Variants in APC2 observed in about 807,000 individuals in gnomAD.
The protein encoded by APC2 is APC regulator of Wnt signaling pathway 2, also known as adenomatous polyposis coli protein 2.
In APC2, 41 loss-of-function variants were observed where a neutral mutation model predicts 72.5. That is an observed-to-expected ratio of 0.57 (90% CI 0.44 to 0.73). The LOEUF is 0.73. APC2 is among the 30% of genes least tolerant of loss of function. The probability of loss-of-function intolerance (pLI) is 0.00; values close to 1 mark genes in which losing one functional copy is unlikely to be tolerated. For missense variants in APC2, 3,729 were observed against 3,403.4 expected (o/e 1.10, Z -2.38); for synonymous variants, 1,898 against 1,612.0 (o/e 1.18, Z -4.25).
In APC2 at chr19:1,457,041, A is replaced by C. The variant is rs2083841910; in HGVS notation, c.1005A>C (p.Pro335=). 4 of 1,528,226 alleles carry C rather than the reference A, an allele frequency of 2.6e-6. No homozygotes were observed. Among genetic ancestry groups the C allele is most frequent in the South Asian group, 1.2e-5 (1 of 82,510 alleles). The allele number at this position is 1,528,226 out of a possible 1,614,324, so 94.7% of individuals were successfully genotyped here. A position where few individuals can be genotyped will look rare whatever the true frequency, so the allele number is the denominator to read the frequency against. ...CGGCCGGGGGTCGCGCCGGGGCCCC[A>C]GGGGCACCGGGCGCCAAGGACGCAC... ...EAAAGGRAGA[P]GAPGAKDARM... The change falls in exon 9 of 15, where the codon CCA becomes CCC. Residue 335 remains proline, a synonymous_variant. Transcript: ENST00000590469.
chr19:1,453,022 C>T lies in APC2; in HGVS notation c.21C>T (p.Pro7=). 1.2e-6 allele frequency: 2 copies of T among 1,611,304 alleles called. No individual in the cohort carries two copies. The highest frequency in any genetic ancestry group is 1.7e-6 in the Non-Finnish European group (2 of 1,179,952). Residue 7 remains proline, a synonymous_variant, in exon 2 of 15, where the codon CCC becomes CCT. Transcript: ENST00000590469. MASSVA[P]YEQLVRQVEA... is the part of the protein sequence containing the mutation. Reference sequence around the variant, plus strand: ...TGAAGATGGCGAGCTCCGTGGCGCCCTACGAGCAGCTGGTGAGGCAGGTGG... The same window carrying T: ...TGAAGATGGCGAGCTCCGTGGCGCCTTACGAGCAGCTGGTGAGGCAGGTGG...
chr19:1,461,819 T>C, intron 13 of APC2, 144 bp from the exon 14 acceptor site: 4 of 691,976 alleles, frequency 5.8e-6, no homozygotes, highest in Non-Finnish European at 9.4e-6. Context: ...GCCACTGCAC[T>C]CCAGCCTGGG....
Position 1,460,762 on chromosome 19 carries a change from C to A in APC2, c.1444-18C>A, listed in dbSNP as rs1001512522. 4 of 1,609,868 alleles carry A rather than the reference C, an allele frequency of 2.5e-6. No individual in the cohort carries two copies. The highest frequency in any genetic ancestry group is 3.4e-6 in the Non-Finnish European group (4 of 1,177,684). On this transcript the variant is annotated intron_variant, in intron 11 of 14. Coordinates refer to ENST00000590469, the MANE Select transcript of APC2 (RefSeq NM_005883.3). ...TTGTGTCCCAACCCCGTGACCCCGGCTGCATAACCCCCAACAGGCCACCCT... is the reference window on the plus strand; with the variant it reads ...TTGTGTCCCAACCCCGTGACCCCGGATGCATAACCCCCAACAGGCCACCCT...
Position 1,467,277 on chromosome 19 carries a change from G to T in APC2, c.3976G>T (p.Ala1326Ser). The change falls in exon 15 of 15, where the codon GCG becomes TCG. Residue 1326 changes from alanine to serine, a missense_variant. Physicochemically the swap from Ala to Ser is moderately conservative, Grantham distance 99. Coordinates refer to ENST00000590469, the MANE Select transcript of APC2 (RefSeq NM_005883.3). ...AGHRRREEGPAPTGSRPRGAA... is the reference protein window; with the variant it reads ...AGHRRREEGPSPTGSRPRGAA... ...GCACCGGCGGCGGGAGGAGGGGCCG[G>T]CGCCCACGGGTTCTCGCCCTCGCGG... 1.5e-6 allele frequency: 2 copies of T among 1,309,980 alleles called. No homozygotes were observed. The highest frequency in any genetic ancestry group is 1.9e-6 in the Non-Finnish European group (2 of 1,034,440). The allele number at this position is 1,309,980 out of a possible 1,614,324, so 81.1% of individuals were successfully genotyped here.
intron 14 of APC2, 98 bp downstream of exon 14, chr19:1,462,275 G>T: frequency 8.8e-7 from 1 of 1,136,480 alleles, no homozygotes; most frequent in Non-Finnish European, 1.2e-6. Flanking sequence ...ATGCTCCCAA[G>T]GCTTCCCCAG....
At chr19:1,449,057 C>T (rs1205241163), upstream of APC2, among the ~76,000 whole-genome samples, 1 of 152,158 alleles carries the variant, frequency 6.6e-6, no homozygotes, top group Non-Finnish European at 1.5e-5. Flanking sequence ...GGAAACAGCA[C>T]GGGTCCTCCC....
rs778304336 is a variant in APC2, at chr19:1,465,620, C to T, written c.2319C>T (p.Ser773=). Residue 773 remains serine (S), a synonymous_variant, in exon 15 of 15, where the codon TCC becomes TCT. Transcript: ENST00000590469. ...HLDGLAQDYA[S]DSGCFDDDDA... is the part of the protein sequence containing the mutation. The stretch of plus-strand genomic sequence containing the variant: ...ACGGCCTGGCCCAAGACTATGCTTC[C>T]GATTCGGGCTGCTTTGACGACGACG... The T allele has an allele frequency of 8.7e-6, 14 of 1,601,312 alleles. No homozygotes were observed. The African/African-American group carries it at 1.6e-4, about 18-fold the overall frequency.
Position 1,467,444 on chromosome 19 carries a change from C to G in APC2, c.4143C>G (p.Ala1381=). ...TCTACATGTTGGTGCCCGCCCCGGC[C>G]CCGGCCCAGGAGGACGACTCCTGCA... ...VPVYMLVPAP[A]PAQEDDSCTD... is the part of the protein sequence containing the mutation. The change falls in exon 15 of 15, where the codon GCC becomes GCG. Residue 1381 remains alanine (A), a synonymous_variant. Coordinates refer to ENST00000590469, the MANE Select transcript of APC2 (RefSeq NM_005883.3). 1 of 1,478,004 alleles carries G rather than the reference C, an allele frequency of 6.8e-7. No individual in the cohort carries two copies. The highest frequency in any genetic ancestry group is 8.9e-7 in the Non-Finnish European group (1 of 1,118,606). 91.6% of individuals were successfully genotyped at this position (1,478,004 alleles called of 1,614,324 possible).
At position 1,452,109 on chromosome 19, in the gene APC2, A is replaced by C. The variant is rs1310441178; in HGVS notation, c.-18-875A>C. 1.0e-5 allele frequency: 1 copy of C among 97,462 alleles called. No individual in the cohort carries two copies. Among genetic ancestry groups the C allele is most frequent in the Non-Finnish European group, 2.2e-5 (1 of 46,392 alleles). The allele number at this position is 97,462 out of a possible 1,614,324, so 6.0% of individuals were successfully genotyped here. A position where few individuals can be genotyped will look rare whatever the true frequency, so the allele number is the denominator to read the frequency against. On this transcript the variant is annotated intron_variant, in intron 1 of 14. Transcript: ENST00000590469. This position sits in a 1 kb window ranked among gnomAD's most constrained non-coding sequence, Gnocchi z 5.1. ...CTGATGGGAAAGGAACAAAGAGGGA[A>C]GGGGGGCGTGAAGGGGGGCTCCGGC...
Position 1,465,716 on chromosome 19 carries a change from C to G in APC2, c.2415C>G (p.Phe805Leu). The G allele has an allele frequency of 6.4e-7, 1 of 1,564,832 alleles. No homozygotes were observed. Among genetic ancestry groups the G allele is most frequent in the Middle Eastern group, 1.7e-4 (1 of 5,986 alleles). Residue 805 changes from phenylalanine (F) to leucine (L), a missense_variant, in exon 15 of 15, where the codon TTC (phenylalanine) becomes TTG (leucine). Coordinates refer to ENST00000590469, the MANE Select transcript of APC2 (RefSeq NM_005883.3). ...CCAGCCCTGCCGCGCTGTCCCTCTTCCTGGGCAGCCCCTTCCTGCAGGGGC... is the reference window on the plus strand; with the variant it reads ...CCAGCCCTGCCGCGCTGTCCCTCTTGCTGGGCAGCCCCTTCCTGCAGGGGC... ...EPASPAALSL[F>L]LGSPFLQGQA... is the part of the protein sequence containing the mutation.
At chr19:1,461,205 T>G (rs2145213500) in intron 13 of APC2, 52 bp downstream of exon 13, 1 of 1,493,808 alleles carries the variant, frequency 6.7e-7, no homozygotes, top group Non-Finnish European at 9.2e-7. Flanking sequence ...GGAAGGAGAC[T>G]GCTGGCGGCA....
Position 1,466,263 on chromosome 19 carries a change from G to A in APC2, c.2962G>A (p.Ala988Thr). Residue 988 changes from alanine (A) to threonine (T), a missense_variant, in exon 15 of 15, where the codon GCC becomes ACC. Coordinates refer to ENST00000590469, the MANE Select transcript of APC2 (RefSeq NM_005883.3). ...GGCCCGCGAGGCCACCTCCGCCGAC[G>A]CCCGCGTGCGCACCATCAAGCTGTC... ...PPAREATSAD[A>T]RVRTIKLSPT... is the part of the protein sequence containing the mutation. 2 of 1,526,062 alleles carry A rather than the reference G, an allele frequency of 1.3e-6. No individual in the cohort carries two copies. Among genetic ancestry groups the A allele is most frequent in the South Asian group, 1.2e-5 (1 of 81,428 alleles). 94.5% of individuals were successfully genotyped at this position (1,526,062 alleles called of 1,614,324 possible). A position where few individuals can be genotyped will look rare whatever the true frequency, so the allele number is the denominator to read the frequency against.
chr19:1,453,587 T>G lies in APC2; in HGVS notation c.389T>G (p.Leu130Arg). The G allele has an allele frequency of 6.2e-7, 1 of 1,606,752 alleles. No individual in the cohort carries two copies. The highest frequency in any genetic ancestry group is 8.5e-7 in the Non-Finnish European group (1 of 1,177,374). Reference sequence around the variant, plus strand: ...GAGCTGAGCCGGGCCACCATCCGGCTGCTGGAGGAACTGGACCGGGAACGG... The same window carrying G: ...GAGCTGAGCCGGGCCACCATCCGGCGGCTGGAGGAACTGGACCGGGAACGG... ...FGELSRATIR[L>R]LEELDRERCF... Residue 130 changes from leucine (L) to arginine (R), a missense_variant, in exon 4 of 15, where the codon CTG becomes CGG. Leu to Arg is a moderately radical substitution (Grantham distance 102, BLOSUM62 -2). Transcript: ENST00000590469.
chr19:1,463,594 A>AAG (rs2083960654), intron 14 of APC2, among the ~76,000 whole-genome samples: 1 of 151,438 alleles, frequency 6.6e-6, no homozygotes, highest in African/African-American at 2.4e-5. Context: ...AAAAAAAAAA[A>AAG]AAAGAAAAAT....
Position 1,452,913 on chromosome 19 carries a change from C to A in APC2, c.-18-71C>A. The A allele has an allele frequency of 6.6e-7, 1 of 1,521,768 alleles. No homozygotes were observed. Among genetic ancestry groups the A allele is most frequent in the Non-Finnish European group, 8.8e-7 (1 of 1,130,064 alleles). The allele number at this position is 1,521,768 out of a possible 1,614,324, so 94.3% of individuals were successfully genotyped here. A position where few individuals can be genotyped will look rare whatever the true frequency, so the allele number is the denominator to read the frequency against. The stretch of plus-strand genomic sequence containing the variant: ...GGACGGCTGGGGCTTAGGTCAGGGG[C>A]CGTCTGTCCGGAAGGCATCACCGCG... On this transcript the variant is annotated intron_variant, in intron 1 of 14. Transcript: ENST00000590469. This position sits in a 1 kb window ranked among gnomAD's most constrained non-coding sequence, Gnocchi z 5.1.
intron 6 of APC2, among the ~76,000 whole-genome samples, 191 bp from the exon 7 acceptor site, chr19:1,455,885 C>A (rs1043179709): frequency 1.5e-5 from 1 of 68,158 alleles, no homozygotes; most frequent in African/African-American, 6.2e-5. Flanking sequence ...GGGGTCATAT[C>A]TTAGGAGGCG....
Position 1,466,761 on chromosome 19 carries a change from G to A in APC2, c.3460G>A (p.Glu1154Lys). 6.5e-7 allele frequency: 1 copy of A among 1,550,098 alleles called. No individual in the cohort carries two copies. Among genetic ancestry groups the A allele is most frequent in the Non-Finnish European group, 8.7e-7 (1 of 1,147,802 alleles). The change falls in exon 15 of 15, where the codon GAG becomes AAG. Residue 1154 changes from glutamate (E) to lysine (K), a missense_variant. By Grantham distance (56) the Glu-to-Lys change is moderately conservative. Transcript: ENST00000590469. Reference sequence around the variant, plus strand: ...CAGCTCGTCGGAGAACTACGTGCAGGAGACACCGCTTGTGCTGAGCCGCTG... The same window carrying A: ...CAGCTCGTCGGAGAACTACGTGCAGAAGACACCGCTTGTGCTGAGCCGCTG... The part of the protein sequence containing the change: ...PSSSSENYVQ[E>K]TPLVLSRCSS...
rs35991061 is a variant in APC2 at position 1,460,801 on chromosome 19, G to T, written c.1465G>T (p.Gly489Cys). Residue 489 changes from glycine to cysteine, a missense_variant, in exon 12 of 15, where the codon GGC (glycine) becomes TGC (cysteine). Coordinates refer to ENST00000590469, the MANE Select transcript of APC2 (RefSeq NM_005883.3). ...ACAGGCCACCCTGTGTGCGCGCCGC[G>T]GCTGCATGGAGGCCATCGTGGCCCA... ...ANKATLCARR[G>C]CMEAIVAQLA... 2 of 1,613,184 alleles carry T rather than the reference G, an allele frequency of 1.2e-6. No homozygotes were observed. The highest frequency in any genetic ancestry group is 3.3e-5 in the Admixed American group (2 of 60,012).
chr19:1,449,860 C>T (rs115865834), upstream of APC2, among the ~76,000 whole-genome samples: 961 of 152,340 alleles, frequency 6.3e-3, 15 homozygotes, highest in African/African-American at 0.022. Flanking sequence ...AATCCAGACG[C>T]AGGAGGTTTT....
Sources: allele counts gnomAD v4.1 joint callset (sites outside exome capture counted in the v4.1 genomes callset), GRCh38; gene constraint gnomAD v4.1.1; non-coding constraint Gnocchi (gnomAD v3.1); transcripts MANE v1.5; gene names NCBI Gene and HGNC (gene_info 2026-07-23, HGNC 2026-07-21).